BABAM2: variants seen among roughly 807,000 people sequenced by gnomAD.
The protein encoded by BABAM2 is BRISC and BRCA1 A complex member 2.
A neutral mutation model predicts 54.7 loss-of-function variants in BABAM2; 31 were observed. The ratio of observed to expected loss-of-function variants is 0.57; its 90% CI spans 0.43 to 0.77. BABAM2 has a LOEUF of 0.77. Ranked by LOEUF, BABAM2 falls within the 30% of genes least tolerant of loss-of-function variation. The pLI is 0.00. For missense variants in BABAM2, 364 were observed against 455.8 expected, an observed-to-expected ratio of 0.80 and a Z score of 1.83; for synonymous variants, 167 against 162.9, an observed-to-expected ratio of 1.03 and a Z score of -0.19.
intron 4 of BABAM2, chr2:28,016,165 G>C: frequency 7.9e-7 from 1 of 1,261,008 alleles, no homozygotes; most frequent in African/African-American, 1.5e-5. Context: ...GCTTGATGAA[G>C]AAGAAGATGA....
At chr2:28,048,306 T>C (rs1311988007) in intron 6 of BABAM2, among the ~76,000 whole-genome samples, 2 of 152,222 alleles carry the variant, frequency 1.3e-5, no homozygotes, top group Non-Finnish European at 2.9e-5. Flanking sequence ...AATTATTTTA[T>C]GTTAAAATGA....
intron 3 of BABAM2, among the ~76,000 whole-genome samples, chr2:27,964,367 A>C (rs571587689): frequency 6.6e-6 from 1 of 152,266 alleles, no homozygotes; most frequent in Non-Finnish European, 1.5e-5. Flanking sequence ...TGATAGTAAC[A>C]CAAAACAGAT....
At chr2:28,132,156 T>TC (rs1342764335) in intron 7 of BABAM2, among the ~76,000 whole-genome samples, 1 of 150,290 alleles carries the variant, frequency 6.7e-6, no homozygotes, top group African/African-American at 2.4e-5. Flanking sequence ...TTTTTTTTTT[T>TC]GAGACGGAAT....
chr2:28,076,747 C>T (rs1239056237), intron 6 of BABAM2, among the ~76,000 whole-genome samples: 1 of 152,068 alleles, frequency 6.6e-6, no homozygotes, highest in African/African-American at 2.4e-5. Context: ...ACCTCATGAT[C>T]CACCCGCTTC....
intron 6 of BABAM2, among the ~76,000 whole-genome samples, chr2:28,078,823 A>T (rs1292690273): frequency 6.6e-6 from 1 of 152,176 alleles, no homozygotes; most frequent in East Asian, 1.9e-4. Flanking sequence ...GTGGAACTAT[A>T]AACTTGAAAG....
intron 3 of BABAM2, among the ~76,000 whole-genome samples, chr2:27,971,154 C>T (rs1197439072): frequency 6.6e-6 from 1 of 152,060 alleles, no homozygotes; most frequent in East Asian, 1.9e-4. Context: ...CACTTTGGGA[C>T]TGTATCCTGT....
intron 6 of BABAM2, among the ~76,000 whole-genome samples, chr2:28,112,151 C>CT (rs1261759583): frequency 0.14 from 2,713 of 19,598 alleles, 767 homozygotes; most frequent in Middle Eastern, 0.24. Flanking sequence ...CTTTCTTTAC[C>CT]TCCCTCCCTC....
At chr2:28,176,841 C>CAA (rs370551860) in intron 7 of BABAM2, among the ~76,000 whole-genome samples, 60 of 49,396 alleles carry the variant, frequency 1.2e-3, no homozygotes, top group African/African-American at 3.1e-3. Context: ...CCAGTCAGAA[C>CAA]AAAAAAAAAA....
chr2:28,091,452 C>G (rs570219681), intron 6 of BABAM2, among the ~76,000 whole-genome samples: 3 of 152,100 alleles, frequency 2.0e-5, no homozygotes, highest in African/African-American at 4.8e-5. Flanking sequence ...TATCAAAGGG[C>G]TGGATGACAC....
At chr2:28,272,847 T>C (rs1303485151) in intron 10 of BABAM2, among the ~76,000 whole-genome samples, 1 of 152,098 alleles carries the variant, frequency 6.6e-6, no homozygotes, top group Non-Finnish European at 1.5e-5. Context: ...TGGGGAAGGC[T>C]TGACAGAGAG....
At chr2:28,255,923 C>T (rs1231999059) in intron 10 of BABAM2, among the ~76,000 whole-genome samples, 1 of 152,168 alleles carries the variant, frequency 6.6e-6, no homozygotes, top group Non-Finnish European at 1.5e-5. Flanking sequence ...ACCATAGCCT[C>T]CCAAAGTGCT....
chr2:28,241,248 A>G, intron 8 of BABAM2, 75 bp from the exon 9 acceptor site: 1 of 1,417,632 alleles, frequency 7.1e-7, no homozygotes, highest in Admixed American at 1.7e-5. Context: ...TGCTTCTCTG[A>G]ATCTTTGAAA....
intron 3 of BABAM2, among the ~76,000 whole-genome samples, chr2:27,972,246 A>G (rs1671272873): frequency 6.6e-6 from 1 of 152,220 alleles, no homozygotes; most frequent in Admixed American, 6.5e-5. Flanking sequence ...AAGACCTGAC[A>G]GTCATCTGCA....
At chr2:28,002,727 T>C (rs1673662989) in intron 4 of BABAM2, among the ~76,000 whole-genome samples, 1 of 152,272 alleles carries the variant, frequency 6.6e-6, no homozygotes, top group African/African-American at 2.4e-5. Context: ...TTAATAGCAT[T>C]AATGAAAGAG....
rs149239993 is a variant in BABAM2 at position 28,170,414 on chromosome 2, C to T, written c.680+41034C>T. On this transcript the variant is annotated intron_variant, in intron 7 of 11. Coordinates refer to ENST00000379624, the MANE Select transcript of BABAM2 (RefSeq NM_199191.3). ...TATTTAGAAAAATGTCATTTAAATA[C>T]TTTAAAGAATAGAGCCAATATTTTG... 5.0e-3 allele frequency among the ~76,000 whole-genome samples: 756 copies of T among 152,014 alleles called. 8 individuals are homozygous for T. Among genetic ancestry groups the T allele is most frequent in the African/African-American group, 0.017 (703 of 41,522 alleles).
intron 3 of BABAM2, among the ~76,000 whole-genome samples, chr2:27,958,463 T>A (rs1281059294): frequency 7.2e-6 from 1 of 139,348 alleles, no homozygotes; most frequent in Non-Finnish European, 1.5e-5. Context: ...GCTTTATATA[T>A]TTTATATATA....
chr2:28,021,680 A>G (rs2148555647), intron 4 of BABAM2, among the ~76,000 whole-genome samples: 1 of 152,142 alleles, frequency 6.6e-6, no homozygotes, highest in East Asian at 1.9e-4. Context: ...GAAGTTTTTG[A>G]TAATTTTCTT....
At chr2:28,117,137 C>T (rs1327602815) in intron 6 of BABAM2, among the ~76,000 whole-genome samples, 3 of 152,146 alleles carry the variant, frequency 2.0e-5, no homozygotes, top group African/African-American at 7.2e-5. Context: ...GAGAACTAGC[C>T]TAGCTATAGC....
chr2:28,185,370 C>T (rs180961045), intron 7 of BABAM2, among the ~76,000 whole-genome samples: 117 of 152,274 alleles, frequency 7.7e-4, no homozygotes, highest in Admixed American at 1.7e-3. Context: ...CTGATACACA[C>T]CTGTGTTTTG....
Sources: allele counts gnomAD v4.1 joint callset (sites outside exome capture counted in the v4.1 genomes callset), GRCh38; gene constraint gnomAD v4.1.1; transcripts MANE v1.5; gene names NCBI Gene and HGNC (gene_info 2026-07-23, HGNC 2026-07-21).